The following RBFOX1 variants were observed in gnomAD, a reference collection of about 807,000 sequenced individuals.
The protein encoded by RBFOX1 is RNA binding fox-1 homolog 1.
In RBFOX1, 8 loss-of-function variants were observed where a neutral mutation model predicts 57.7. That is an observed-to-expected ratio of 0.14 (90% confidence interval 0.08 to 0.25). The LOEUF (loss-of-function observed/expected upper bound fraction) is 0.25, where lower values mean the gene tolerates loss of function less well. Among genes scored for constraint, RBFOX1 ranks in the 10% least tolerant of loss-of-function variants. RBFOX1 has a pLI of 1.00. For synonymous variants in RBFOX1, 326 were observed against 222.4 expected (o/e 1.47, Z -4.15); for missense variants, 611 against 548.5 (o/e 1.11, Z -1.14).
chr16:5,564,815 C>T (rs1000993984), intron 2 of RBFOX1, among the ~76,000 whole-genome samples: 1 of 152,150 alleles, frequency 6.6e-6, no homozygotes, highest in Non-Finnish European at 1.5e-5. Flanking sequence ...CACGGTTCTC[C>T]AGCACTTCTC....
intron 3 of RBFOX1, among the ~76,000 whole-genome samples, chr16:7,042,886 A>G (rs1240350405): frequency 6.6e-6 from 1 of 152,230 alleles, no homozygotes. Flanking sequence ...AGATTGCGCC[A>G]CTGCACTCCA....
intron 3 of RBFOX1, among the ~76,000 whole-genome samples, chr16:6,765,791 A>G (rs1028790040): frequency 1.3e-5 from 2 of 152,202 alleles, no homozygotes; most frequent in African/African-American, 4.8e-5. Context: ...ACCTTGAAAT[A>G]CTACTCAGCC....
At chr16:6,336,203 T>A (rs1423529568) in intron 2 of RBFOX1, among the ~76,000 whole-genome samples, 1 of 87,332 alleles carries the variant, frequency 1.1e-5, no homozygotes, top group African/African-American at 5.3e-5. Context: ...TTTTTTTTTT[T>A]TTTTTTTTTT....
At chr16:6,272,279 G>T (rs549232060) in intron 1 of RBFOX1, among the ~76,000 whole-genome samples, 6 of 151,980 alleles carry the variant, frequency 3.9e-5, no homozygotes, top group Non-Finnish European at 4.4e-5. Flanking sequence ...AGAAAAACAG[G>T]AATAAAGAGA....
intron 2 of RBFOX1, among the ~76,000 whole-genome samples, chr16:5,497,269 G>C (rs529518110): frequency 1.3e-5 from 2 of 150,344 alleles, no homozygotes; most frequent in African/African-American, 2.4e-5. Context: ...TTTTTTCTCA[G>C]ATAACACAAG....
chr16:6,428,209 C>T (rs953288346), intron 2 of RBFOX1, among the ~76,000 whole-genome samples: 5 of 148,194 alleles, frequency 3.4e-5, no homozygotes, highest in African/African-American at 1.2e-4. Context: ...TCACTTGAGC[C>T]TGGGAGGCAG....
chr16:7,239,674 A>G (rs1182447575), intron 4 of RBFOX1, among the ~76,000 whole-genome samples: 1 of 152,186 alleles, frequency 6.6e-6, no homozygotes, highest in Non-Finnish European at 1.5e-5. Context: ...GTCTTATATT[A>G]GATGATTATT....
intron 3 of RBFOX1, among the ~76,000 whole-genome samples, chr16:6,947,942 A>T (rs2079895811): frequency 6.6e-6 from 1 of 151,950 alleles, no homozygotes; most frequent in Admixed American, 6.6e-5. Context: ...ATGCCCAGCT[A>T]ATTTTTGTAT....
At chr16:6,916,275 T>C (rs745948062) in intron 3 of RBFOX1, among the ~76,000 whole-genome samples, 9 of 152,162 alleles carry the variant, frequency 5.9e-5, no homozygotes, top group Non-Finnish European at 1.2e-4. Flanking sequence ...GAGTCACTGT[T>C]GTTTCCACAG....
At chr16:6,925,777 G>T (rs532875564) in intron 3 of RBFOX1, among the ~76,000 whole-genome samples, 3 of 151,844 alleles carry the variant, frequency 2.0e-5, no homozygotes, top group Non-Finnish European at 4.4e-5. Flanking sequence ...CCCAGGTAGG[G>T]ATGATATTTA....
At chr16:6,696,368 G>T (rs575610924) in intron 3 of RBFOX1, among the ~76,000 whole-genome samples, 1 of 152,138 alleles carries the variant, frequency 6.6e-6, no homozygotes, top group East Asian at 1.9e-4. Flanking sequence ...TTTATAATAT[G>T]CAGTGAGTCT....
At chr16:6,550,562 G>T (rs2096971761) in intron 2 of RBFOX1, among the ~76,000 whole-genome samples, 1 of 152,222 alleles carries the variant, frequency 6.6e-6, no homozygotes, top group African/African-American at 2.4e-5. Flanking sequence ...CTGACCTCAA[G>T]TGATGCACCT....
In RBFOX1 at chr16:6,890,711, A is replaced by C. The variant is rs534918751; in HGVS notation, c.-15-161346A>C. On this transcript the variant is annotated intron_variant, in intron 3 of 15. Coordinates refer to ENST00000550418, the MANE Select transcript of RBFOX1 (RefSeq NM_018723.4). Reference sequence around the variant, plus strand: ...TTCCTGGGATTTCCGTATGAATAGCATATTCCAAGTGGAGAAGAAGGAGAG... The same window carrying C: ...TTCCTGGGATTTCCGTATGAATAGCCTATTCCAAGTGGAGAAGAAGGAGAG... Among the ~76,000 whole-genome samples, 54 of 152,330 alleles carry C rather than the reference A, an allele frequency of 3.5e-4. 1 individual carries two copies. The highest frequency in any genetic ancestry group is 1.3e-3 in the African/African-American group (52 of 41,594).
At chr16:5,992,973 G>C (rs1306183475) in intron 4 of RBFOX1, among the ~76,000 whole-genome samples, 1 of 152,190 alleles carries the variant, frequency 6.6e-6, no homozygotes, top group East Asian at 1.9e-4. Flanking sequence ...GACAGTGGCA[G>C]ACATCTGCCG....
intron 5 of RBFOX1, among the ~76,000 whole-genome samples, chr16:7,577,388 A>G (rs2093422124): frequency 6.6e-6 from 1 of 152,146 alleles, no homozygotes; most frequent in Non-Finnish European, 1.5e-5. Context: ...GAGTCCACAC[A>G]TACTCTCCTG....
chr16:7,365,274 A>G (rs74981974), intron 4 of RBFOX1, among the ~76,000 whole-genome samples: 2,015 of 152,346 alleles, frequency 0.013, 26 homozygotes, highest in Non-Finnish European at 0.022. Context: ...ATAAATATGT[A>G]AAGGACCTTG....
intron 2 of RBFOX1, among the ~76,000 whole-genome samples, chr16:6,441,398 T>TTTTTG (rs980903759): frequency 2.0e-4 from 30 of 152,128 alleles, no homozygotes; most frequent in South Asian, 8.3e-4. Context: ...TTTTCTTGTT[T>TTTTTG]TTTTGTTTTG....
At chr16:7,130,054 A>G (rs1296668286) in intron 4 of RBFOX1, among the ~76,000 whole-genome samples, 2 of 139,468 alleles carry the variant, frequency 1.4e-5, no homozygotes, top group African/African-American at 5.6e-5. Context: ...TTTTTTTGAG[A>G]CAGAGCCTAG....
intron 2 of RBFOX1, among the ~76,000 whole-genome samples, chr16:6,610,846 A>G (rs2098038084): frequency 6.6e-6 from 1 of 152,198 alleles, no homozygotes; most frequent in Non-Finnish European, 1.5e-5. Flanking sequence ...CCACTTATGA[A>G]TTGACTGCCA....
Sources: allele counts gnomAD v4.1 joint callset (sites outside exome capture counted in the v4.1 genomes callset), GRCh38; gene constraint gnomAD v4.1.1; transcripts MANE v1.5; gene names NCBI Gene and HGNC (gene_info 2026-07-23, HGNC 2026-07-21).